SUPT3H: variants seen among roughly 807,000 people sequenced by gnomAD.
SUPT3H encodes SPT3 homolog, SAGA and STAGA complex component, also known as transcription initiation protein SPT3 homolog.
Under a neutral mutation model 44.3 loss-of-function variants are expected in SUPT3H, and 44 were observed. That is an observed-to-expected ratio of 0.99 (90% confidence interval 0.78 to 1.28). The LOEUF is 1.28. SUPT3H is among the 50% of genes most tolerant of loss of function. The pLI is 0.00. For synonymous variants in SUPT3H, 124 were observed against 125.6 expected, an observed-to-expected ratio of 0.99 and a Z score of 0.09; for missense variants, 380 against 387.1, an observed-to-expected ratio of 0.98 and a Z score of 0.15.
chr6:45,031,700 T>C (rs961127318), intron 3 of SUPT3H, among the ~76,000 whole-genome samples: 1 of 152,254 alleles, frequency 6.6e-6, no homozygotes, highest in South Asian at 2.1e-4. Flanking sequence ...ATAGTTTTGG[T>C]TCCATAATTA....
intron 3 of SUPT3H, among the ~76,000 whole-genome samples, chr6:45,065,667 T>G (rs1348765978): frequency 2.1e-4 from 32 of 150,444 alleles, no homozygotes; most frequent in African/African-American, 5.9e-4. Context: ...TACCATCAGA[T>G]AATACTACAA....
Position 45,211,260 on chromosome 6 carries a change from C to G in SUPT3H, c.102-105254G>C, listed in dbSNP as rs899808013. ...TATTTCTTAATGTTCTACAGTATCT[C>G]GATATCCATCTCTGTAAGGTGAAGT... On this transcript the variant is annotated intron_variant, in intron 2 of 10. Transcript: ENST00000371459. Among the ~76,000 whole-genome samples the G allele has an allele frequency of 3.3e-5, 5 of 152,012 alleles. No individual in the cohort carries two copies. In the South Asian group the frequency reaches 6.2e-4, roughly 19 times the overall value.
At chr6:44,878,442 A>C (rs1380569308) in intron 10 of SUPT3H, among the ~76,000 whole-genome samples, 1 of 152,026 alleles carries the variant, frequency 6.6e-6, no homozygotes, top group Non-Finnish European at 1.5e-5. Flanking sequence ...TTGGGCTTGC[A>C]CTAAAGCCTT....
At chr6:44,900,972 G>T (rs556728194) in intron 10 of SUPT3H, among the ~76,000 whole-genome samples, 1 of 152,286 alleles carries the variant, frequency 6.6e-6, no homozygotes, top group East Asian at 1.9e-4. Flanking sequence ...CTGACTGTTA[G>T]AAGGAAAACT....
rs1274955775 is a variant in SUPT3H, at chr6:45,358,766, T to TG, written c.101+6434_101+6435insC. On this transcript the variant is annotated intron_variant, in intron 2 of 10. Transcript: ENST00000371459. ...TACTGTACATAAATCACATAATACTTTCAGCAGAGTCTAGAGAAGCATTCA... is the reference window on the plus strand; with the variant it reads ...TACTGTACATAAATCACATAATACTTGTCAGCAGAGTCTAGAGAAGCATTCA... Among the ~76,000 whole-genome samples the TG allele has an allele frequency of 2.6e-5, 4 of 152,264 alleles. No homozygotes were observed. In the South Asian group the frequency reaches 8.3e-4, roughly 32 times the overall value.
chr6:44,905,608 G>A (rs1489771983), intron 10 of SUPT3H, among the ~76,000 whole-genome samples: 6 of 152,036 alleles, frequency 3.9e-5, no homozygotes, highest in Non-Finnish European at 8.8e-5. Context: ...GGAAGTCAGT[G>A]TGGCGATTCC....
At position 44,904,502 on chromosome 6, in the gene SUPT3H, G is replaced by A. The variant is rs144570765; in HGVS notation, c.912+28151C>T. Among the ~76,000 whole-genome samples, 587 of 152,238 alleles carry A rather than the reference G, an allele frequency of 3.9e-3. 2 individuals are homozygous for A. The highest frequency in any genetic ancestry group is 6.2e-3 in the Non-Finnish European group (424 of 68,014). ...TCTTCAAGGAGAAGTACAAACCACT[G>A]CTCAAAGAAATAAAAGAGGACACAA... On this transcript the variant is annotated intron_variant, in intron 10 of 10. Transcript: ENST00000371459.
intron 3 of SUPT3H, among the ~76,000 whole-genome samples, chr6:45,032,839 A>G (rs1787149798): frequency 6.6e-6 from 1 of 152,148 alleles, no homozygotes; most frequent in African/African-American, 2.4e-5. Context: ...TCTTTATAAG[A>G]AGGCGGCTTC....
At position 44,987,116 on chromosome 6, in the gene SUPT3H, A is replaced by G. The variant is rs75381374; in HGVS notation, c.504+16537T>C. 8.2e-4 allele frequency among the ~76,000 whole-genome samples: 125 copies of G among 152,182 alleles called. 1 individual carries two copies. In the East Asian group the frequency reaches 0.021, roughly 25 times the overall value. ...GCTTACAGATAGCTGTCTTCTCCCT[A>G]TGTCCTCACATGGCAGAGATCTCTA... On this transcript the variant is annotated intron_variant, in intron 6 of 10. Transcript: ENST00000371459.
Position 44,980,244 on chromosome 6 carries a change from C to T in SUPT3H, c.505-18416G>A, listed in dbSNP as rs1180359922. ...AAAGGGTAGGGAGTGTACCCTTTCT[C>T]TAAAAAAAAAAAAAAGAAAAAATGA... On this transcript the variant is annotated intron_variant, in intron 6 of 10. Coordinates refer to ENST00000371459, the MANE Select transcript of SUPT3H (RefSeq NM_003599.4). Among the ~76,000 whole-genome samples the T allele has an allele frequency of 1.2e-4, 18 of 146,008 alleles. No individual in the cohort carries two copies. In the Admixed American group the frequency reaches 1.2e-3, roughly 10 times the overall value.
rs73737875 is a variant in SUPT3H at position 45,081,771 on chromosome 6, C to T, written c.186+24151G>A. 8.6e-3 allele frequency among the ~76,000 whole-genome samples: 1,303 copies of T among 152,192 alleles called. 24 individuals carry two copies. The highest frequency in any genetic ancestry group is 0.03 in the African/African-American group (1,227 of 41,540). On this transcript the variant is annotated intron_variant, in intron 3 of 10. Coordinates refer to ENST00000371459, the MANE Select transcript of SUPT3H (RefSeq NM_003599.4). ...AGTGGCAATAAAAACACTGCAGTAGCTGCAGAATATTTTACTCTTGGGCCT... is the reference window on the plus strand; with the variant it reads ...AGTGGCAATAAAAACACTGCAGTAGTTGCAGAATATTTTACTCTTGGGCCT...
At chr6:45,215,008 A>G (rs1228774625) in intron 2 of SUPT3H, among the ~76,000 whole-genome samples, 1 of 152,142 alleles carries the variant, frequency 6.6e-6, no homozygotes, top group Non-Finnish European at 1.5e-5. Context: ...TACTCCCAGG[A>G]AAGCTGCACG....
Position 45,105,915 on chromosome 6 carries a change from C to T in SUPT3H, c.186+7G>A, listed in dbSNP as rs1389202139. On this transcript the variant is annotated splice_region_variant and intron_variant, in intron 3 of 10. Coordinates refer to ENST00000371459, the MANE Select transcript of SUPT3H (RefSeq NM_003599.4). The stretch of plus-strand genomic sequence containing the variant: ...GAGAAACCAAATCAAATTATATATG[C>T]TCTTACCAGATTAATTAACTGAGTG... 1 of 1,608,782 alleles carries T rather than the reference C, an allele frequency of 6.2e-7. No homozygotes were observed. The highest frequency in any genetic ancestry group is 2.2e-5 in the East Asian group (1 of 44,796).
chr6:44,988,852 A>G (rs1437950353), intron 6 of SUPT3H, among the ~76,000 whole-genome samples: 1 of 152,136 alleles, frequency 6.6e-6, no homozygotes. Context: ...AATTCTTGGT[A>G]CAAATTAAAC....
At chr6:45,051,293 A>G (rs72867477) in intron 3 of SUPT3H, among the ~76,000 whole-genome samples, 2,217 of 152,236 alleles carry the variant, frequency 0.015, 26 homozygotes, top group South Asian at 0.026. Flanking sequence ...ACAGGAAAAG[A>G]GCAGATGAAG....
chr6:44,993,603 T>C (rs979520378), intron 6 of SUPT3H, among the ~76,000 whole-genome samples: 15 of 152,082 alleles, frequency 9.9e-5, no homozygotes, highest in African/African-American at 3.6e-4. Context: ...GAGCTACATA[T>C]TACATCTATT....
At chr6:45,094,311 C>G (rs768019041) in intron 3 of SUPT3H, among the ~76,000 whole-genome samples, 1 of 151,986 alleles carries the variant, frequency 6.6e-6, no homozygotes, top group Non-Finnish European at 1.5e-5. Context: ...GGGAGAAAAG[C>G]CTGATGCAAG....
intron 3 of SUPT3H, among the ~76,000 whole-genome samples, chr6:45,048,217 TA>T (rs1244198866): frequency 1.4e-5 from 2 of 146,828 alleles, no homozygotes; most frequent in Admixed American, 1.4e-4. Context: ...GTTGTCTCTC[TA>T]CTCTTTTTTT....
At chr6:45,143,166 G>A (rs1025237438) in intron 2 of SUPT3H, among the ~76,000 whole-genome samples, 1 of 152,004 alleles carries the variant, frequency 6.6e-6, no homozygotes, top group Admixed American at 6.6e-5. Context: ...ACAGCAAATC[G>A]ACATAGAAAC....
Sources: gnomAD v4.1 joint callset for allele counts (sites outside exome capture counted in the v4.1 genomes callset) on GRCh38, gnomAD v4.1.1 for gene constraint, MANE v1.5 for transcripts, NCBI Gene and HGNC (gene_info 2026-07-23, HGNC 2026-07-21) for gene names.